Variants in FSHR observed in about 807,000 individuals in gnomAD.
The protein encoded by FSHR is follicle stimulating hormone receptor.
Under a neutral mutation model 52.1 loss-of-function variants are expected in FSHR, and 46 were observed. The observed-to-expected ratio is 0.88, with a 90% CI of 0.70 to 1.13. The LOEUF is 1.13. FSHR is among the 50% of genes most tolerant of loss of function. FSHR has a pLI of 0.00. For missense variants in FSHR, 964 were observed against 834.6 expected (o/e 1.16, Z -1.91); for synonymous variants, 399 against 309.6 (o/e 1.29, Z -3.03).
At chr2:49,131,058 A>G (rs1672246147) in intron 1 of FSHR, among the ~76,000 whole-genome samples, 1 of 152,204 alleles carries the variant, frequency 6.6e-6, no homozygotes, top group South Asian at 2.1e-4. Flanking sequence ...AGAGTGATGC[A>G]AAAATAAAAT....
chr2:49,133,644 C>T (rs550264706), intron 1 of FSHR, among the ~76,000 whole-genome samples: 35 of 152,278 alleles, frequency 2.3e-4, no homozygotes, highest in African/African-American at 7.7e-4. Context: ...AAGCTGGAGG[C>T]ATCACACTAC....
At chr2:49,081,450 T>C (rs1670166302) in intron 1 of FSHR, among the ~76,000 whole-genome samples, 1 of 152,206 alleles carries the variant, frequency 6.6e-6, no homozygotes, top group African/African-American at 2.4e-5. Flanking sequence ...TACTTCATGC[T>C]TGAAATATTT....
chr2:49,049,177 C>G (rs772767261), intron 2 of FSHR, among the ~76,000 whole-genome samples: 1 of 143,670 alleles, frequency 7.0e-6, no homozygotes, highest in African/African-American at 2.5e-5. Context: ...CATTGAGTTA[C>G]CAGCAAGGAG....
chr2:49,119,290 CA>C (rs1671714983), intron 1 of FSHR, among the ~76,000 whole-genome samples: 1 of 151,962 alleles, frequency 6.6e-6, no homozygotes, highest in African/African-American at 2.4e-5. Context: ...TGAGTGTGGG[CA>C]AATTTCGGTT....
intron 1 of FSHR, among the ~76,000 whole-genome samples, chr2:49,119,810 G>A (rs1236886502): frequency 6.6e-6 from 1 of 152,186 alleles, no homozygotes; most frequent in East Asian, 1.9e-4. Context: ...TTAGAGCTGT[G>A]TGAGCCAGCA....
intron 4 of FSHR, among the ~76,000 whole-genome samples, chr2:48,995,640 G>A (rs1675992086): frequency 6.6e-6 from 1 of 152,086 alleles, no homozygotes; most frequent in African/African-American, 2.4e-5. Context: ...GCTGCAAGGG[G>A]AAGCAAGAAG....
intron 1 of FSHR, among the ~76,000 whole-genome samples, chr2:49,076,987 T>C (rs961069510): frequency 1.3e-5 from 2 of 152,178 alleles, no homozygotes; most frequent in Non-Finnish European, 2.9e-5. Flanking sequence ...CCCATGTGTC[T>C]TCCAGCCACA....
chr2:49,050,427 T>C (rs1312674794), intron 2 of FSHR, among the ~76,000 whole-genome samples: 1 of 152,164 alleles, frequency 6.6e-6, no homozygotes, highest in East Asian at 1.9e-4. Context: ...TTCCAAGGGC[T>C]TAGGCACAGA....
At chr2:49,097,052 T>A (rs1277005880) in intron 1 of FSHR, among the ~76,000 whole-genome samples, 1 of 152,228 alleles carries the variant, frequency 6.6e-6, no homozygotes, top group Non-Finnish European at 1.5e-5. Context: ...CTTTATAAAT[T>A]ATCCAGTCTC....
At chr2:49,024,165 G>A (rs1380739179) in intron 2 of FSHR, among the ~76,000 whole-genome samples, 5 of 152,088 alleles carry the variant, frequency 3.3e-5, no homozygotes, top group South Asian at 4.1e-4. Context: ...AGTAGTTAAA[G>A]GCCTCACTAG....
In FSHR at chr2:49,138,900, C is replaced by G. The variant is rs115629741; in HGVS notation, c.152+15366G>C. On this transcript the variant is annotated intron_variant, in intron 1 of 9. Transcript: ENST00000406846. ...CAAAAGTAAAAATACCAGTGGAATTCTAATGCTCGTAATTTCTGGAAGGTG... is the reference window on the plus strand; with the variant it reads ...CAAAAGTAAAAATACCAGTGGAATTGTAATGCTCGTAATTTCTGGAAGGTG... Among the ~76,000 whole-genome samples, 415 of 152,068 alleles carry G rather than the reference C, an allele frequency of 2.7e-3. 2 individuals carry two copies. Among genetic ancestry groups the G allele is most frequent in the African/African-American group, 9.6e-3 (398 of 41,474 alleles).
At chr2:49,044,240 T>A (rs1302485372) in intron 2 of FSHR, among the ~76,000 whole-genome samples, 5 of 152,210 alleles carry the variant, frequency 3.3e-5, no homozygotes, top group African/African-American at 1.2e-4. Context: ...TTTCTGATTA[T>A]ATAAAGTCAT....
chr2:48,987,381 T>A (rs13023561), intron 6 of FSHR, among the ~76,000 whole-genome samples: 80,242 of 151,402 alleles, frequency 0.53, 23,668 homozygotes, highest in Non-Finnish European at 0.66. Flanking sequence ...TTTTTTTTTT[T>A]TATATATTTT....
At chr2:49,036,768 A>C (rs185919187) in intron 2 of FSHR, among the ~76,000 whole-genome samples, 40 of 152,350 alleles carry the variant, frequency 2.6e-4, no homozygotes, top group Non-Finnish European at 5.0e-4. Context: ...AGAGGGTGAT[A>C]AACTATCACA....
At chr2:49,079,573 G>T (rs547597974) in intron 1 of FSHR, among the ~76,000 whole-genome samples, 3 of 152,028 alleles carry the variant, frequency 2.0e-5, no homozygotes, top group Non-Finnish European at 4.4e-5. Context: ...AGAAAATAAA[G>T]AGCACGGAAA....
At chr2:49,059,411 G>A (rs1669199623) in intron 2 of FSHR, among the ~76,000 whole-genome samples, 1 of 145,354 alleles carries the variant, frequency 6.9e-6, no homozygotes, top group African/African-American at 2.7e-5. Context: ...GCATGGTACT[G>A]GGGGAAAAAA....
chr2:49,022,495 T>C (rs987063051), intron 2 of FSHR, among the ~76,000 whole-genome samples: 16 of 152,146 alleles, frequency 1.1e-4, no homozygotes, highest in African/African-American at 3.6e-4. Flanking sequence ...CCCAATTCTG[T>C]CTCTAGTTAT....
chr2:49,137,251 G>A (rs1219386730), intron 1 of FSHR, among the ~76,000 whole-genome samples: 3 of 151,990 alleles, frequency 2.0e-5, no homozygotes, highest in Non-Finnish European at 2.9e-5. Context: ...TTTCATTCAT[G>A]ATAGTATTAT....
intron 1 of FSHR, among the ~76,000 whole-genome samples, chr2:49,144,545 G>A (rs1672800852): frequency 6.6e-6 from 1 of 152,106 alleles, no homozygotes; most frequent in African/African-American, 2.4e-5. Flanking sequence ...CCTCTTTGCT[G>A]TTCATCATAA....
Sources: allele counts gnomAD v4.1 joint callset (sites outside exome capture counted in the v4.1 genomes callset), GRCh38; gene constraint gnomAD v4.1.1; transcripts MANE v1.5; gene names NCBI Gene and HGNC (gene_info 2026-07-23, HGNC 2026-07-21).